Variants in ADAMTS19 observed in about 807,000 individuals in gnomAD.
ADAMTS19 encodes A disintegrin and metalloproteinase with thrombospondin motifs 19.
In ADAMTS19, 93 loss-of-function variants were observed where a neutral mutation model predicts 153.3. The ratio of observed to expected loss-of-function variants is 0.61; its 90% CI spans 0.51 to 0.72. ADAMTS19 has a LOEUF of 0.72. ADAMTS19 is among the 30% of genes least tolerant of loss of function. The pLI is 0.00. For synonymous variants in ADAMTS19, 600 were observed against 556.6 expected (o/e 1.08, Z -1.10); for missense variants, 1,482 against 1,552.1 (o/e 0.95, Z 0.76).
At chr5:129,630,503 G>T (rs1248169345) in intron 10 of ADAMTS19, among the ~76,000 whole-genome samples, 7 of 152,174 alleles carry the variant, frequency 4.6e-5, no homozygotes, top group Middle Eastern at 3.4e-3. Flanking sequence ...CAAGGCAGTT[G>T]AATGGGTAAA....
At position 129,509,373 on chromosome 5, in the gene ADAMTS19, ATG is replaced by A. The variant is rs1219024325; in HGVS notation, c.913+133_913+134del. 5 of 849,788 alleles carry A rather than the reference ATG, an allele frequency of 5.9e-6. No homozygotes were observed. In the African/African-American group the frequency reaches 6.9e-5, roughly 12 times the overall value. 52.6% of individuals were successfully genotyped at this position (849,788 alleles called of 1,614,324 possible). ...GAATCTTTTAATTAGTAACAATTAA[ATG>A]TATCAATTATAGGATTATCTTTTAG... On this transcript the variant is annotated intron_variant, in intron 3 of 22. Transcript: ENST00000274487.
chr5:129,549,444 A>G (rs1022566782), intron 6 of ADAMTS19, among the ~76,000 whole-genome samples: 3 of 151,760 alleles, frequency 2.0e-5, no homozygotes, highest in Non-Finnish European at 2.9e-5. Flanking sequence ...AGTATCAGAC[A>G]CAATCCACCT....
chr5:129,489,213 A>T (rs1750689460), intron 2 of ADAMTS19, among the ~76,000 whole-genome samples: 1 of 152,150 alleles, frequency 6.6e-6, no homozygotes, highest in African/African-American at 2.4e-5. Flanking sequence ...AATAGTAGAT[A>T]GTATGTGTTT....
At chr5:129,618,751 C>A (rs1751644293) in intron 8 of ADAMTS19, among the ~76,000 whole-genome samples, 1 of 151,894 alleles carries the variant, frequency 6.6e-6, no homozygotes, top group African/African-American at 2.4e-5. Context: ...TAGACCATAA[C>A]AGAAAAGAGA....
At chr5:129,553,168 G>A (rs1474812392) in intron 7 of ADAMTS19, among the ~76,000 whole-genome samples, 1 of 152,034 alleles carries the variant, frequency 6.6e-6, no homozygotes, top group African/African-American at 2.4e-5. Context: ...AAGCAGCAAT[G>A]TTGCCCCCAA....
At chr5:129,682,536 TTAAA>T (rs752180678) in intron 17 of ADAMTS19, among the ~76,000 whole-genome samples, 46 of 152,350 alleles carry the variant, frequency 3.0e-4, no homozygotes, top group Non-Finnish European at 5.1e-4. Context: ...TTTTATGTAA[TTAAA>T]TAAGTTGACA....
At chr5:129,682,241 A>C (rs1754853622) in intron 17 of ADAMTS19, among the ~76,000 whole-genome samples, 1 of 152,200 alleles carries the variant, frequency 6.6e-6, no homozygotes, top group South Asian at 2.1e-4. Flanking sequence ...AATCCAAGGG[A>C]AACTGCACTT....
intron 10 of ADAMTS19, among the ~76,000 whole-genome samples, chr5:129,638,047 C>G (rs1028197893): frequency 1.3e-5 from 2 of 152,104 alleles, no homozygotes; most frequent in Non-Finnish European, 1.5e-5. Context: ...ATGAAATAAT[C>G]TGTTCAGTAA....
intron 11 of ADAMTS19, among the ~76,000 whole-genome samples, chr5:129,646,391 A>G (rs954198820): frequency 1.3e-5 from 2 of 152,194 alleles, no homozygotes; most frequent in African/African-American, 4.8e-5. Flanking sequence ...TTTATGGCCT[A>G]TAAAAGTAAA....
At chr5:129,490,944 A>G (rs893951524) in intron 2 of ADAMTS19, among the ~76,000 whole-genome samples, 3 of 152,026 alleles carry the variant, frequency 2.0e-5, no homozygotes, top group African/African-American at 2.4e-5. Context: ...TTTCAGTGAA[A>G]CTGCCAAGCT....
Position 129,528,646 on chromosome 5 carries a change from A to G in ADAMTS19, c.1297A>G (p.Thr433Ala). The change falls in exon 6 of 23, where the codon ACT becomes GCT. Residue 433 changes from threonine (T) to alanine (A), a missense_variant. Thr to Ala is a moderately conservative substitution (Grantham distance 58). Coordinates refer to ENST00000274487, the MANE Select transcript of ADAMTS19 (RefSeq NM_133638.6). ...GTCAACAAACTGGGGGGAAGACATG[A>G]CTTCAGTGGATGCAGCTATACTTAT... Reference protein sequence around the residue: ...EMSTNWGEDMTSVDAAILITR... With the variant: ...EMSTNWGEDMASVDAAILITR... 6.2e-7 allele frequency: 1 copy of G among 1,600,626 alleles called. No homozygotes were observed. The highest frequency in any genetic ancestry group is 1.4e-5 in the African/African-American group (1 of 73,946).
intron 8 of ADAMTS19, among the ~76,000 whole-genome samples, chr5:129,614,406 A>T (rs560500296): frequency 2.2e-4 from 33 of 152,326 alleles, no homozygotes; most frequent in Non-Finnish European, 4.3e-4. Flanking sequence ...AACGTAATCC[A>T]GCATATAAAC....
chr5:129,566,912 GA>G (rs948839965), intron 7 of ADAMTS19, among the ~76,000 whole-genome samples: 1 of 151,934 alleles, frequency 6.6e-6, no homozygotes, highest in African/African-American at 2.4e-5. Context: ...CTTGTACGTG[GA>G]AACAGACACA....
intron 8 of ADAMTS19, among the ~76,000 whole-genome samples, chr5:129,599,087 CTT>C (rs1417747881): frequency 1.1e-5 from 1 of 94,478 alleles, no homozygotes; most frequent in Non-Finnish European, 2.8e-5. Context: ...TAATTTATTA[CTT>C]AAAAAAAAAA....
chr5:129,707,242 C>A (rs1257283786), intron 21 of ADAMTS19, among the ~76,000 whole-genome samples: 2 of 152,154 alleles, frequency 1.3e-5, no homozygotes, highest in Non-Finnish European at 2.9e-5. Flanking sequence ...AAACCAATGC[C>A]CTCATATACC....
At chr5:129,564,730 G>T (rs1314734612) in intron 7 of ADAMTS19, among the ~76,000 whole-genome samples, 5 of 152,098 alleles carry the variant, frequency 3.3e-5, no homozygotes, top group African/African-American at 1.2e-4. Context: ...CTTGACTGTG[G>T]TACAGAAAGG....
chr5:129,526,512 A>G (rs765273021), intron 4 of ADAMTS19, 56 bp downstream of exon 4: 1 of 1,449,044 alleles, frequency 6.9e-7, no homozygotes, highest in South Asian at 1.3e-5. Context: ...TAAGGAAGAC[A>G]TGTGTGAGTA....
intron 8 of ADAMTS19, among the ~76,000 whole-genome samples, chr5:129,617,965 C>T (rs1751605299): frequency 6.6e-6 from 1 of 152,020 alleles, no homozygotes. Flanking sequence ...TCATTATGGT[C>T]TGTCTGTATT....
At chr5:129,725,586 T>C (rs1431207833) in intron 21 of ADAMTS19, among the ~76,000 whole-genome samples, 1 of 152,104 alleles carries the variant, frequency 6.6e-6, no homozygotes, top group Non-Finnish European at 1.5e-5. Context: ...GTTTTTTCTA[T>C]CTATAGAGAA....
Sources: allele counts gnomAD v4.1 joint callset (sites outside exome capture counted in the v4.1 genomes callset), GRCh38; gene constraint gnomAD v4.1.1; transcripts MANE v1.5; gene names NCBI Gene and HGNC (gene_info 2026-07-23, HGNC 2026-07-21).